ECM2: variants seen among roughly 807,000 people sequenced by gnomAD.
The protein encoded by ECM2 is extracellular matrix protein 2.
A neutral mutation model predicts 67.5 loss-of-function variants in ECM2; 57 were observed. The ratio of observed to expected loss-of-function variants is 0.84; its 90% CI spans 0.68 to 1.05. ECM2 has a LOEUF of 1.05. Ranked by LOEUF, ECM2 falls within the 50% of genes least tolerant of loss-of-function variation. The pLI is 0.00. For missense variants in ECM2, 741 were observed against 822.8 expected (o/e 0.90, Z 1.22); for synonymous variants, 258 against 294.5 (o/e 0.88, Z 1.27).
chr9:92,535,888 C>A, intron 1 of ECM2, 45 bp downstream of exon 1: 1 of 440,214 alleles, frequency 2.3e-6, no homozygotes, highest in South Asian at 1.7e-5. Context: ...ATATTAAAAC[C>A]ATTCCACATG....
rs201652423 is a variant in ECM2 at position 92,496,449 on chromosome 9, C to A, written c.1966G>T (p.Glu656Ter). ...ILPEEICNAE[E>*]DDDSNLEHLH... The stretch of plus-strand genomic sequence containing the variant: ...TGTTCCAGATTTGAGTCATCATCCT[C>A]TTCAGCATTGCAAATTTCTTCTGGA... The change falls in exon 10 of 10, where the codon GAG (glutamate) becomes TAG (stop). Residue 656 changes from glutamate to a stop codon, truncating the protein, a stop_gained. Transcript: ENST00000344604. LOFTEE classifies it high-confidence loss of function. The A allele has an allele frequency of 6.2e-7, 1 of 1,607,322 alleles. No individual in the cohort carries two copies.
Position 92,514,989 on chromosome 9 carries a change from T to C in ECM2, c.696A>G (p.Glu232=). The C allele has an allele frequency of 6.2e-7, 1 of 1,614,132 alleles. No individual in the cohort carries two copies. The highest frequency in any genetic ancestry group is 8.5e-7 in the Non-Finnish European group (1 of 1,180,012). Residue 232 remains glutamate, a synonymous_variant, in exon 4 of 10, where the codon GAA becomes GAG. Transcript: ENST00000344604. The part of the protein sequence containing the change: ...EDTEQKRETP[E]SRNQGQLYSE... Reference sequence around the variant, plus strand: ...TGTAAAGTTGCCCCTGATTTCTAGATTCAGGGGTCTCTCTCTTTTGCTCTG... The same window carrying C: ...TGTAAAGTTGCCCCTGATTTCTAGACTCAGGGGTCTCTCTCTTTTGCTCTG...
At chr9:92,506,365 A>G (rs763117646) in intron 6 of ECM2, among the ~76,000 whole-genome samples, 13 of 152,090 alleles carry the variant, frequency 8.5e-5, no homozygotes, top group Non-Finnish European at 1.5e-4. Context: ...AACTAGCAAG[A>G]AAGGCCTTTA....
chr9:92,546,961 C>A, the ECM2 span, among the ~76,000 whole-genome samples: 3 of 151,966 alleles, frequency 2.0e-5, no homozygotes, highest in East Asian at 5.8e-4. Flanking sequence ...AACTATATTA[C>A]AAACTGACAG....
chr9:92,551,951 A>ATG, the ECM2 span, among the ~76,000 whole-genome samples: 1 of 117,424 alleles, frequency 8.5e-6, no homozygotes, highest in Admixed American at 8.1e-5. Context: ...ATATATATAT[A>ATG]TGATATATAT....
intron 9 of ECM2, among the ~76,000 whole-genome samples, chr9:92,498,588 TTC>T (rs1288458282): frequency 6.6e-6 from 1 of 152,082 alleles, no homozygotes; most frequent in Non-Finnish European, 1.5e-5. Flanking sequence ...AAAGAGCAAT[TTC>T]TAAAAACCAA....
intron 6 of ECM2, among the ~76,000 whole-genome samples, chr9:92,508,499 A>G (rs4743873): frequency 0.37 from 56,263 of 152,102 alleles, 12,775 homozygotes; most frequent in African/African-American, 0.64. Flanking sequence ...ATAACATCTC[A>G]TTTTGATAAC....
At chr9:92,542,597 ATC>A in the ECM2 span, among the ~76,000 whole-genome samples, 1 of 151,936 alleles carries the variant, frequency 6.6e-6, no homozygotes, top group Non-Finnish European at 1.5e-5. Flanking sequence ...GCTCACTGCA[ATC>A]TCTGCCTCCC....
the ECM2 span, among the ~76,000 whole-genome samples, chr9:92,544,114 A>G: frequency 6.6e-6 from 1 of 152,244 alleles, no homozygotes; most frequent in South Asian, 2.1e-4. Flanking sequence ...CTTATTCCTG[A>G]TCTTAGAAGA....
Position 92,500,878 on chromosome 9 carries a change from C to G in ECM2, c.1780G>C (p.Ala594Pro). The change falls in exon 9 of 10, where the codon GCT becomes CCT. Residue 594 changes from alanine (A) to proline (P), a missense_variant. Physicochemically the swap from Ala to Pro is conservative, Grantham distance 27. Coordinates refer to ENST00000344604, the MANE Select transcript of ECM2 (RefSeq NM_001393.4). ...GAGACACGGTCCATGCCATCATCAG[C>G]AAGTTTGTTAAATGACAGGTACAAG... ...EYLYLSFNKL[A>P]DDGMDRVSFY... is the part of the protein sequence containing the mutation. 1 of 1,614,166 alleles carries G rather than the reference C, an allele frequency of 6.2e-7. No individual in the cohort carries two copies.
the ECM2 span, among the ~76,000 whole-genome samples, chr9:92,556,606 A>C: frequency 6.6e-6 from 1 of 152,124 alleles, no homozygotes; most frequent in Non-Finnish European, 1.5e-5. Context: ...GTCTCTTTTA[A>C]CTGCTATTGC....
At chr9:92,552,211 A>C in the ECM2 span, among the ~76,000 whole-genome samples, 1 of 150,728 alleles carries the variant, frequency 6.6e-6, no homozygotes, top group Non-Finnish European at 1.5e-5. Context: ...ACACACACAC[A>C]CACACCCCAC....
chr9:92,516,738 C>T (rs1847748314), intron 3 of ECM2: 1 of 152,176 alleles, frequency 6.6e-6, no homozygotes, highest in Non-Finnish European at 1.5e-5. Flanking sequence ...GTATTTATTT[C>T]ACTCCAAGGA....
rs1847611092 is a variant in ECM2 at position 92,515,022 on chromosome 9, T to C, written c.663A>G (p.Glu221=). The change falls in exon 4 of 10, where the codon GAA becomes GAG. Residue 221 remains glutamate (E), a synonymous_variant. Coordinates refer to ENST00000344604, the MANE Select transcript of ECM2 (RefSeq NM_001393.4). ...TCTCTCTCTTTTGCTCTGTATCTTC[T>C]TCTTTCACTTCTTCATCCTCCTCAG... ...LQSEEDEEVK[E]EDTEQKRETP... The C allele has an allele frequency of 6.2e-7, 1 of 1,614,070 alleles. No individual in the cohort carries two copies. The highest frequency in any genetic ancestry group is 1.7e-5 in the Admixed American group (1 of 60,006).
chr9:92,549,076 A>C, the ECM2 span, among the ~76,000 whole-genome samples: 1 of 152,152 alleles, frequency 6.6e-6, no homozygotes, highest in African/African-American at 2.4e-5. Flanking sequence ...AAGACAGCAA[A>C]ATACTCATCA....
intron 2 of ECM2, among the ~76,000 whole-genome samples, chr9:92,518,620 G>A (rs1190273396): frequency 6.6e-6 from 1 of 152,116 alleles, no homozygotes; most frequent in Non-Finnish European, 1.5e-5. Flanking sequence ...ATACTGTCTG[G>A]GCACGGTGGC....
intron 1 of ECM2, among the ~76,000 whole-genome samples, chr9:92,533,825 G>T (rs1248024053): frequency 6.6e-6 from 1 of 151,956 alleles, no homozygotes; most frequent in African/African-American, 2.4e-5. Flanking sequence ...ATAGATATTT[G>T]TCCATTATTT....
Position 92,495,771 on chromosome 9 carries a change from A to G in ECM2, c.*544T>C. ...GTAGTGTTTTAATTTTACACATGTA[A>G]TTAATGGAAGAAATGAAAGCTACCC... is the stretch of plus-strand genomic sequence containing the variant. On this transcript the variant is annotated 3_prime_UTR_variant, in exon 10 of 10. Coordinates refer to ENST00000344604, the MANE Select transcript of ECM2 (RefSeq NM_001393.4). 1 of 946,048 alleles carries G rather than the reference A, an allele frequency of 1.1e-6. No homozygotes were observed. The highest frequency in any genetic ancestry group is 1.3e-6 in the Non-Finnish European group (1 of 794,138). The allele number at this position is 946,048 out of a possible 1,614,324, so 58.6% of individuals were successfully genotyped here. A position where few individuals can be genotyped will look rare whatever the true frequency, so the allele number is the denominator to read the frequency against.
chr9:92,505,884 T>C (rs1417198886), intron 6 of ECM2, among the ~76,000 whole-genome samples, 194 bp from the exon 7 acceptor site: 1 of 152,126 alleles, frequency 6.6e-6, no homozygotes, highest in Non-Finnish European at 1.5e-5. Context: ...CAACCAGAAC[T>C]AAATGCATGG....
Sources: allele counts gnomAD v4.1 joint callset (sites outside exome capture counted in the v4.1 genomes callset), GRCh38; gene constraint gnomAD v4.1.1; transcripts MANE v1.5; gene names NCBI Gene and HGNC (gene_info 2026-07-23, HGNC 2026-07-21).